Variants in ETFA observed in about 807,000 individuals in gnomAD.
ETFA encodes electron transfer flavoprotein subunit alpha.
ETFA carries 22 observed loss-of-function variants against 46.2 expected under a neutral mutation model. The ratio of observed to expected loss-of-function variants is 0.48; its 90% CI spans 0.34 to 0.68. The LOEUF is 0.68. Ranked by LOEUF, ETFA falls within the 30% of genes least tolerant of loss-of-function variation. The pLI, the probability that ETFA is intolerant of heterozygous loss-of-function variation, is 0.01. For synonymous variants in ETFA, 131 were observed against 139.9 expected, an observed-to-expected ratio of 0.94 and a Z score of 0.45; for missense variants, 345 against 401.1, an observed-to-expected ratio of 0.86 and a Z score of 1.19.
intron 9 of ETFA, among the ~76,000 whole-genome samples, chr15:76,252,427 T>G (rs2039307557): frequency 6.6e-6 from 1 of 152,222 alleles, no homozygotes. Context: ...CTGAATTTTC[T>G]CAGGATGACT....
intron 1 of ETFA, among the ~76,000 whole-genome samples, chr15:76,296,073 G>A (rs1166228955): frequency 6.6e-6 from 1 of 150,484 alleles, no homozygotes; most frequent in East Asian, 2.0e-4. Context: ...CGCCTCCTGA[G>A]TAGCTGGAAC....
At chr15:76,259,575 T>A in intron 9 of ETFA, 1 of 1,052,914 alleles carries the variant, frequency 9.5e-7, no homozygotes, top group Admixed American at 1.7e-5. Context: ...GGCCCACACA[T>A]CACTGTGCAC....
At chr15:76,296,102 T>C (rs1002471455) in intron 1 of ETFA, among the ~76,000 whole-genome samples, 2 of 151,622 alleles carry the variant, frequency 1.3e-5, no homozygotes, top group Non-Finnish European at 2.9e-5. Flanking sequence ...CCCACCACCA[T>C]GTCGGCTAAT....
chr15:76,285,721 C>T lies in ETFA; in HGVS notation c.580G>A (p.Val194Met), dbSNP rs753363278. The T allele has an allele frequency of 1.6e-5, 26 of 1,605,464 alleles. No homozygotes were observed. Among genetic ancestry groups the T allele is most frequent in the Middle Eastern group, 1.7e-4 (1 of 6,060 alleles). The change falls in exon 7 of 12, where the codon GTG becomes ATG. Residue 194 changes from valine to methionine, a missense_variant. By Grantham distance (21) the Val-to-Met change is conservative. Transcript: ENST00000557943. Reference sequence around the variant, plus strand: ...TGGTCAAGCCACTCTGATATTTCCACTGGTGAAGTACTTGATGCTGCATAC... The same window carrying T: ...TGGTCAAGCCACTCTGATATTTCCATTGGTGAAGTACTTGATGCTGCATAC... ...SSEKASSTSP[V>M]EISEWLDQKL...
At chr15:76,296,469 G>T (rs2039824556) in intron 1 of ETFA, among the ~76,000 whole-genome samples, 1 of 152,154 alleles carries the variant, frequency 6.6e-6, no homozygotes, top group Non-Finnish European at 1.5e-5. Flanking sequence ...TACTCCTACA[G>T]TATAGGAGTA....
intron 9 of ETFA, chr15:76,259,954 C>G: frequency 7.1e-7 from 1 of 1,409,104 alleles, no homozygotes; most frequent in Non-Finnish European, 1.0e-6. Context: ...GAGGCTTACC[C>G]CAACAAGTTT....
intron 1 of ETFA, among the ~76,000 whole-genome samples, chr15:76,307,646 CT>C (rs2039951159): frequency 6.7e-6 from 1 of 150,188 alleles, no homozygotes; most frequent in Non-Finnish European, 1.5e-5. Context: ...ACCATGGCGC[CT>C]GGCTAATTTT....
chr15:76,233,577 C>G (rs1452173935), intron 9 of ETFA, among the ~76,000 whole-genome samples: 2 of 152,142 alleles, frequency 1.3e-5, no homozygotes, highest in Admixed American at 6.5e-5. Flanking sequence ...ATCCACCCAC[C>G]TCGGCCTCCC....
intron 9 of ETFA, among the ~76,000 whole-genome samples, chr15:76,256,690 A>G (rs2039348548): frequency 6.6e-6 from 1 of 152,266 alleles, no homozygotes; most frequent in Admixed American, 6.5e-5. Context: ...GATGCACCAC[A>G]TAACAACAGT....
At chr15:76,277,515 A>G (rs201936158) in intron 8 of ETFA, among the ~76,000 whole-genome samples, 1 of 138,786 alleles carries the variant, frequency 7.2e-6, no homozygotes, top group African/African-American at 2.8e-5. Flanking sequence ...AAAAAAAAAA[A>G]ACAAAAAACC....
intron 4 of ETFA, among the ~76,000 whole-genome samples, chr15:76,289,617 G>T (rs908460168): frequency 6.6e-6 from 1 of 152,122 alleles, no homozygotes; most frequent in Non-Finnish European, 1.5e-5. Context: ...CAAGCTGCCT[G>T]CATGGTTTCT....
chr15:76,218,172 T>A (rs983794936), intron 11 of ETFA, among the ~76,000 whole-genome samples: 9 of 152,262 alleles, frequency 5.9e-5, no homozygotes, highest in Non-Finnish European at 1.3e-4. Flanking sequence ...TATAACTTTT[T>A]AAAATTTTAC....
intron 9 of ETFA, chr15:76,259,413 G>A (rs1357190520): frequency 2.4e-6 from 3 of 1,243,248 alleles, no homozygotes; most frequent in East Asian, 2.3e-5. Context: ...ACCTTGGCTT[G>A]GATGGAGTGG....
chr15:76,273,785 C>A (rs371465648), intron 9 of ETFA, among the ~76,000 whole-genome samples: 4 of 152,178 alleles, frequency 2.6e-5, no homozygotes, highest in South Asian at 4.1e-4. Context: ...CTCCTATTCA[C>A]TGAAAATCTG....
rs778807824 is a variant in ETFA, at chr15:76,231,339, G to T, written c.876C>A (p.Asp292Glu). 1.3e-6 allele frequency: 2 copies of T among 1,597,620 alleles called. No individual in the cohort carries two copies. Among genetic ancestry groups the T allele is most frequent in the Non-Finnish European group, 1.7e-6 (2 of 1,165,216 alleles). The change falls in exon 10 of 12, where the codon GAC (aspartate) becomes GAA (glutamate). Residue 292 changes from aspartate (D) to glutamate (E), a missense_variant. Physicochemically the swap from Asp to Glu is conservative, Grantham distance 45. Transcript: ENST00000557943. ...GAIQHLAGMK[D>E]SKTIVAINKD... ...ATCACTGATGTACAATTACCTTGCT[G>T]TCTTTCATCCCAGCTAAATGTTGGA...
intron 9 of ETFA, among the ~76,000 whole-genome samples, chr15:76,240,843 T>C (rs1358048152): frequency 1.3e-5 from 2 of 151,920 alleles, no homozygotes; most frequent in African/African-American, 4.8e-5. Context: ...GTCCAGAAAT[T>C]TGAGGCTGCA....
At chr15:76,277,674 T>C (rs540043027) in intron 8 of ETFA, among the ~76,000 whole-genome samples, 1 of 152,310 alleles carries the variant, frequency 6.6e-6, no homozygotes, top group Admixed American at 6.5e-5. Flanking sequence ...AACTAATTTT[T>C]GTATTTTTAG....
chr15:76,285,335 C>T (rs576816474), intron 7 of ETFA, among the ~76,000 whole-genome samples: 129 of 152,272 alleles, frequency 8.5e-4, no homozygotes, highest in African/African-American at 3.0e-3. Context: ...GAGAAGCCAA[C>T]CATACTCTGC....
intron 9 of ETFA, among the ~76,000 whole-genome samples, chr15:76,265,981 C>G (rs1394486027): frequency 6.6e-6 from 1 of 152,080 alleles, no homozygotes; most frequent in Non-Finnish European, 1.5e-5. Context: ...GCCACTGAAA[C>G]AGGAAAAACT....
Sources: allele counts gnomAD v4.1 joint callset (sites outside exome capture counted in the v4.1 genomes callset), GRCh38; gene constraint gnomAD v4.1.1; transcripts MANE v1.5; gene names NCBI Gene and HGNC (gene_info 2026-07-23, HGNC 2026-07-21).